Variants in ALDOB observed in about 807,000 individuals in gnomAD.
ALDOB encodes the protein fructose-bisphosphate aldolase B.
In ALDOB, 39 loss-of-function variants were observed where a neutral mutation model predicts 41.0. The observed-to-expected ratio is 0.95, with a 90% CI of 0.74 to 1.24. The LOEUF (loss-of-function observed/expected upper bound fraction) is 1.24, where lower values mean the gene tolerates loss of function less well. Among genes scored for constraint, ALDOB ranks in the 50% most tolerant of loss-of-function variants. ALDOB has a pLI of 0.00. For synonymous variants in ALDOB, 175 were observed against 168.8 expected (o/e 1.04, Z -0.28); for missense variants, 530 against 457.3 (o/e 1.16, Z -1.45).
Position 101,426,543 on chromosome 9 carries a change from T to C in ALDOB, c.624+12A>G. The C allele has an allele frequency of 6.3e-7, 1 of 1,584,422 alleles. No individual in the cohort carries two copies. The highest frequency in any genetic ancestry group is 8.7e-7 in the Non-Finnish European group (1 of 1,152,880). ...TTCAACTAGAATTGGGGCCTTCATA[T>C]TTAAAACTTACCTTCTCAGTAACAT... is the stretch of plus-strand genomic sequence containing the variant. On this transcript the variant is annotated intron_variant, in intron 6 of 8. Transcript: ENST00000647789.
rs1292894843 is a variant in ALDOB, at chr9:101,421,317, T to C, written c.*492A>G. On this transcript the variant is annotated 3_prime_UTR_variant, in exon 9 of 9. Coordinates refer to ENST00000647789, the MANE Select transcript of ALDOB (RefSeq NM_000035.4). ...CAGTCATGTCTAGTAGAGTCAAAAG[T>C]AATGAAATACACTGAGTCTTTGGAC... 2 of 231,014 alleles carry C rather than the reference T, an allele frequency of 8.7e-6. No individual in the cohort carries two copies. The highest frequency in any genetic ancestry group is 2.1e-4 in the East Asian group (2 of 9,430). 14.3% of individuals were successfully genotyped at this position (231,014 alleles called of 1,614,324 possible).
At chr9:101,422,582 C>T (rs906367509) in intron 8 of ALDOB, among the ~76,000 whole-genome samples, 2 of 152,102 alleles carry the variant, frequency 1.3e-5, no homozygotes, top group African/African-American at 4.8e-5. Context: ...TGGGTGAGAC[C>T]CATAATCTGC....
chr9:101,430,028 C>T (rs1831195050), intron 2 of ALDOB, 62 bp from the exon 3 acceptor site: 3 of 1,397,256 alleles, frequency 2.1e-6, no homozygotes, highest in South Asian at 1.2e-5. Context: ...TCACCCTTCT[C>T]CACATCATCT....
At chr9:101,430,518 T>TA (rs960168532) in intron 2 of ALDOB, among the ~76,000 whole-genome samples, 9 of 152,206 alleles carry the variant, frequency 5.9e-5, no homozygotes, top group African/African-American at 2.2e-4. Context: ...TGCTAGTTAC[T>TA]AAGTTTCTGG....
intron 3 of ALDOB, among the ~76,000 whole-genome samples, chr9:101,429,296 T>G (rs1804269553): frequency 2.0e-5 from 3 of 151,970 alleles, no homozygotes; most frequent in Admixed American, 2.0e-4. Flanking sequence ...TAGCTGGGAC[T>G]ACAGGCATGC....
rs369238799 is a variant in ALDOB at position 101,421,907 on chromosome 9, A to G, written c.1000-3T>C. 282 of 1,613,252 alleles carry G rather than the reference A, an allele frequency of 1.7e-4. No individual in the cohort carries two copies. The highest frequency in any genetic ancestry group is 2.3e-4 in the Non-Finnish European group (267 of 1,179,698). ...CCTTTGGCCGCCTGGCAGTTAGCCT[A>G]GAAGACAAATATGAGAGAGGAGACT... is the stretch of plus-strand genomic sequence containing the variant. On this transcript the variant is annotated splice_polypyrimidine_tract_variant and splice_region_variant and intron_variant, in intron 8 of 8. Coordinates refer to ENST00000647789, the MANE Select transcript of ALDOB (RefSeq NM_000035.4).
chr9:101,434,039 T>C (rs1221535097), intron 1 of ALDOB, among the ~76,000 whole-genome samples: 1 of 152,214 alleles, frequency 6.6e-6, no homozygotes, highest in Non-Finnish European at 1.5e-5. Flanking sequence ...CGCAAAGTGC[T>C]GGGATTACAG....
In ALDOB at chr9:101,427,505, G is replaced by T. The variant is rs778058461; in HGVS notation, c.517C>A (p.Arg173Ser). The T allele has an allele frequency of 6.2e-7, 1 of 1,614,144 alleles. No individual in the cohort carries two copies. Among genetic ancestry groups the T allele is most frequent in the South Asian group, 1.1e-5 (1 of 91,084 alleles). The change falls in exon 5 of 9, where the codon CGC becomes AGC. Residue 173 changes from arginine (R) to serine (S), a missense_variant. Transcript: ENST00000647789. ...ACCTGCTGACAGATGCTGGCGTAGC[G>T]AGCCAGGGCGTTGGCGTTTTCCTGG... ...AIQENANALA[R>S]YASICQQNGL...
rs1302035408 is a variant in ALDOB at position 101,426,481 on chromosome 9, T to C, written c.624+74A>G. The C allele has an allele frequency of 7.7e-6, 7 of 910,422 alleles. No homozygotes were observed. In the Admixed American group the frequency reaches 1.0e-4, roughly 13 times the overall value. The allele number at this position is 910,422 out of a possible 1,614,324, so 56.4% of individuals were successfully genotyped here. On this transcript the variant is annotated intron_variant, in intron 6 of 8. Transcript: ENST00000647789. ...GCTACTTCAGATATAACAGCTGTTATATGTTAAGTAACAGCTGTTACCTAA... is the reference window on the plus strand; with the variant it reads ...GCTACTTCAGATATAACAGCTGTTACATGTTAAGTAACAGCTGTTACCTAA...
chr9:101,421,797 G>C lies in ALDOB; in HGVS notation c.*12C>G. 3 of 1,612,232 alleles carry C rather than the reference G, an allele frequency of 1.9e-6. No homozygotes were observed. In the South Asian group the frequency reaches 3.3e-5, roughly 18 times the overall value. On this transcript the variant is annotated 3_prime_UTR_variant, in exon 9 of 9. Coordinates refer to ENST00000647789, the MANE Select transcript of ALDOB (RefSeq NM_000035.4). ...CTAGAAGCACTGGAGCTAGGCTGGC[G>C]GGCATTGGACCCTAGTAGGTATAGC...
At chr9:101,427,808 G>T (rs1831153919) in intron 4 of ALDOB, among the ~76,000 whole-genome samples, 166 bp from the exon 5 acceptor site, 1 of 152,144 alleles carries the variant, frequency 6.6e-6, no homozygotes, top group Non-Finnish European at 1.5e-5. Flanking sequence ...TGAACCAGAA[G>T]ACTTAGATTT....
At chr9:101,428,343 A>T (rs1004889060) in intron 4 of ALDOB, 126 bp downstream of exon 4, 2 of 879,472 alleles carry the variant, frequency 2.3e-6, no homozygotes, top group African/African-American at 3.3e-5. Flanking sequence ...TGGTATTGAA[A>T]ACCAGGTACG....
At chr9:101,425,422 A>AC in intron 7 of ALDOB, 31 bp downstream of exon 7, 1 of 1,612,080 alleles carries the variant, frequency 6.2e-7, no homozygotes, top group Non-Finnish European at 8.5e-7. Flanking sequence ...GAGGGCTAAG[A>AC]CCTTGAGTTA....
chr9:101,425,310 G>A, intron 7 of ALDOB, 143 bp downstream of exon 7: 3 of 1,019,960 alleles, frequency 2.9e-6, no homozygotes, highest in Non-Finnish European at 4.4e-6. Context: ...GTATTCTGAA[G>A]TGGGAGAAGA....
chr9:101,430,019 C>T (rs1441989431), intron 2 of ALDOB, 53 bp from the exon 3 acceptor site: 3 of 1,442,804 alleles, frequency 2.1e-6, no homozygotes, highest in East Asian at 4.5e-5. Flanking sequence ...GCTTTCCTGT[C>T]ACCCTTCTCC....
chr9:101,428,520 CT>C lies in ALDOB; in HGVS notation c.327del (p.Asp110ThrfsTer43). 6.2e-7 allele frequency: 1 copy of C among 1,613,626 alleles called. No individual in the cohort carries two copies. On this transcript the variant is annotated frameshift_variant and splice_region_variant, in exon 4 of 9. Coordinates refer to ENST00000647789, the MANE Select transcript of ALDOB (RefSeq NM_000035.4). LOFTEE classifies it high-confidence loss of function. Reference protein sequence around the residue: ...KEKGIVVGIKLDQGGAPLAGT... With the variant: ...KEKGIVVGIKXDQGGAPLAGT... ...CCTGCAAGAGGAGCACCTCCTTGGT[CT>C]AACTGTGGATACAAATAATTAACAG...
chr9:101,427,622 G>T lies in ALDOB; in HGVS notation c.400C>A (p.Arg134Ser), dbSNP rs10123355. Residue 134 changes from arginine to serine, a missense_variant, in exon 5 of 9, where the codon CGC becomes AGC. Physicochemically the swap from Arg to Ser is moderately radical, Grantham distance 110. Transcript: ENST00000647789. ...TIQGLDGLSE[R>S]CAQYKKDGVD... is the part of the protein sequence containing the mutation. ...CCATCTTTCTTGTACTGAGCACAGC[G>T]CTCTGAGAGGCCATCAAGCCCTGCA... 1,472 of 1,614,094 alleles carry T rather than the reference G, an allele frequency of 9.1e-4. 4 individuals carry two copies. The highest frequency in any genetic ancestry group is 6.5e-3 in the African/African-American group (489 of 75,014).
chr9:101,423,510 C>T (rs960420429), intron 8 of ALDOB, among the ~76,000 whole-genome samples: 5 of 152,346 alleles, frequency 3.3e-5, no homozygotes, highest in South Asian at 2.1e-4. Context: ...TGCTTTTCTA[C>T]GCTTTCCGAC....
rs139442303 is a variant in ALDOB at position 101,427,493 on chromosome 9, T to C, written c.529A>G (p.Ile177Val). Reference sequence around the variant, plus strand: ...GGAAGGCAGAGCACCTGCTGACAGATGCTGGCGTAGCGAGCCAGGGCGTTG... The same window carrying C: ...GGAAGGCAGAGCACCTGCTGACAGACGCTGGCGTAGCGAGCCAGGGCGTTG... ...NANALARYAS[I>V]CQQNGLVPIV... is the part of the protein sequence containing the mutation. Residue 177 changes from isoleucine to valine, a missense_variant, in exon 5 of 9, where the codon ATC (isoleucine) becomes GTC (valine). Ile to Val is a conservative substitution (Grantham distance 29). Transcript: ENST00000647789. 132 of 1,614,058 alleles carry C rather than the reference T, an allele frequency of 8.2e-5. No homozygotes were observed. The highest frequency in any genetic ancestry group is 9.8e-5 in the Non-Finnish European group (116 of 1,180,020).
Sources: gnomAD v4.1 joint callset for allele counts (sites outside exome capture counted in the v4.1 genomes callset) on GRCh38, gnomAD v4.1.1 for gene constraint, MANE v1.5 for transcripts, NCBI Gene and HGNC (gene_info 2026-07-23, HGNC 2026-07-21) for gene names.